Variants in TXNDC16 observed in about 807,000 individuals in gnomAD.
The protein encoded by TXNDC16 is thioredoxin domain-containing protein 16.
Under a neutral mutation model 85.6 loss-of-function variants are expected in TXNDC16, and 74 were observed. That is an observed-to-expected ratio of 0.86 (90% confidence interval 0.72 to 1.05). The LOEUF is 1.05. TXNDC16 is among the 50% of genes least tolerant of loss of function. The pLI is 0.00. For synonymous variants in TXNDC16, 335 were observed against 326.5 expected, an observed-to-expected ratio of 1.03 and a Z score of -0.28; for missense variants, 959 against 947.0, an observed-to-expected ratio of 1.01 and a Z score of -0.17.
intron 14 of TXNDC16, among the ~76,000 whole-genome samples, chr14:52,474,998 T>TG (rs2035988307): frequency 1.3e-5 from 2 of 152,004 alleles, no homozygotes; most frequent in Non-Finnish European, 2.9e-5. Context: ...GCTCAAACTG[T>TG]GGAAGTGGGA....
At chr14:52,499,504 A>T (rs1297079165) in intron 9 of TXNDC16, among the ~76,000 whole-genome samples, 1 of 152,092 alleles carries the variant, frequency 6.6e-6, no homozygotes, top group East Asian at 1.9e-4. Flanking sequence ...AAGATACACA[A>T]ATGGCCAAGC....
intron 6 of TXNDC16, among the ~76,000 whole-genome samples, chr14:52,535,203 G>A (rs2037671891): frequency 6.6e-6 from 1 of 152,140 alleles, no homozygotes; most frequent in African/African-American, 2.4e-5. Context: ...GAGAACAAAT[G>A]TCATATCTAT....
chr14:52,550,646 C>T (rs2038024387), intron 1 of TXNDC16, among the ~76,000 whole-genome samples: 1 of 151,678 alleles, frequency 6.6e-6, no homozygotes, highest in Admixed American at 6.6e-5. Flanking sequence ...TTTACTATCA[C>T]TTTGAGCAGA....
intron 1 of TXNDC16, among the ~76,000 whole-genome samples, chr14:52,545,485 G>T (rs2037922846): frequency 6.6e-6 from 1 of 152,062 alleles, no homozygotes; most frequent in Non-Finnish European, 1.5e-5. Context: ...TACCGCACGG[G>T]TCAGCTAGAA....
intron 14 of TXNDC16, 34 bp from the exon 15 acceptor site, chr14:52,470,714 T>C (rs1470515621): frequency 1.3e-6 from 2 of 1,557,554 alleles, no homozygotes; most frequent in African/African-American, 1.4e-5. Context: ...TTGTAATTAC[T>C]AATTGTAGAA....
intron 18 of TXNDC16, among the ~76,000 whole-genome samples, chr14:52,444,866 C>T (rs936150559): frequency 1.3e-5 from 2 of 151,962 alleles, no homozygotes; most frequent in Non-Finnish European, 2.9e-5. Context: ...CAAAGATTAC[C>T]TAAAAGGATG....
chr14:52,490,790 A>G, intron 10 of TXNDC16, 49 bp downstream of exon 10: 1 of 1,560,636 alleles, frequency 6.4e-7, no homozygotes, highest in Non-Finnish European at 8.7e-7. Flanking sequence ...AAAACGTGGA[A>G]ACTATTAGCG....
chr14:52,530,266 ATATTAT>A (rs1402569938), intron 6 of TXNDC16, among the ~76,000 whole-genome samples: 1 of 54,948 alleles, frequency 1.8e-5, no homozygotes, highest in Non-Finnish European at 2.8e-5. Context: ...TATATAATAT[ATATTAT>A]TATTTAATAT....
chr14:52,443,156 T>A (rs1383417216), intron 18 of TXNDC16, among the ~76,000 whole-genome samples: 2 of 152,068 alleles, frequency 1.3e-5, no homozygotes, highest in African/African-American at 4.8e-5. Context: ...GTGGGCACCA[T>A]CTAATCAGCT....
chr14:52,545,174 A>G (rs2037917005), intron 1 of TXNDC16, among the ~76,000 whole-genome samples: 1 of 152,220 alleles, frequency 6.6e-6, no homozygotes, highest in African/African-American at 2.4e-5. Flanking sequence ...TCCAGGTTAT[A>G]ATTTAACCAT....
rs1006777093 is a variant in TXNDC16, at chr14:52,482,708, G to C, written c.1252+114C>G. ...ATGCTTCAATGCACACAGTCTACTT[G>C]AGACATACGAAAGCAATTTCATTTT... On this transcript the variant is annotated intron_variant, in intron 13 of 20. Transcript: ENST00000281741. 3.5e-6 allele frequency: 3 copies of C among 861,668 alleles called. No individual in the cohort carries two copies. The South Asian group carries it at 6.5e-5, about 19-fold the overall frequency. The allele number at this position is 861,668 out of a possible 1,614,324, so 53.4% of individuals were successfully genotyped here.
At chr14:52,490,312 T>C in intron 11 of TXNDC16, 79 bp downstream of exon 11, 4 of 987,150 alleles carry the variant, frequency 4.1e-6, no homozygotes, top group Non-Finnish European at 5.7e-6. Flanking sequence ...TTTTCTATAA[T>C]AAAAATATAT....
At chr14:52,477,867 G>T (rs148877811) in intron 14 of TXNDC16, among the ~76,000 whole-genome samples, 10 of 152,106 alleles carry the variant, frequency 6.6e-5, no homozygotes, top group Admixed American at 1.3e-4. Flanking sequence ...AACAACCACA[G>T]AATATACATT....
At chr14:52,474,292 A>G (rs1425057053) in intron 14 of TXNDC16, among the ~76,000 whole-genome samples, 3 of 152,236 alleles carry the variant, frequency 2.0e-5, no homozygotes, top group Non-Finnish European at 4.4e-5. Context: ...TCACTACTTC[A>G]TTATGATTTA....
At chr14:52,512,497 T>C (rs1405224797) in intron 8 of TXNDC16, among the ~76,000 whole-genome samples, 2 of 152,122 alleles carry the variant, frequency 1.3e-5, no homozygotes, top group African/African-American at 4.8e-5. Flanking sequence ...TGAAAGCATA[T>C]AACTTGTTGA....
At chr14:52,504,557 G>A (rs2036744798) in intron 9 of TXNDC16, among the ~76,000 whole-genome samples, 1 of 152,174 alleles carries the variant, frequency 6.6e-6, no homozygotes. Context: ...CCCTAAAAGA[G>A]CTCCTGAAGG....
chr14:52,520,566 C>T (rs1014060515), intron 6 of TXNDC16, among the ~76,000 whole-genome samples: 15 of 152,022 alleles, frequency 9.9e-5, no homozygotes, highest in East Asian at 3.9e-4. Flanking sequence ...GCTGAGATCA[C>T]GCCACTGCAC....
chr14:52,488,394 A>G lies in TXNDC16; in HGVS notation c.1077T>C (p.Asp359=). 2.5e-6 allele frequency: 4 copies of G among 1,613,776 alleles called. No homozygotes were observed. The highest frequency in any genetic ancestry group is 1.7e-6 in the Non-Finnish European group (2 of 1,179,778). Residue 359 remains aspartate (D), a synonymous_variant, in exon 12 of 21, where the codon GAT becomes GAC. Transcript: ENST00000281741. ...CTGGACCTTCCATGTCATTGTCTTC[A>G]TCTTCTTGTATTTCCTCAATGTGCA... ...NNMHIEEIQE[D]EDNDMEGPDI...
At chr14:52,456,345 T>C (rs1313025759) in intron 17 of TXNDC16, among the ~76,000 whole-genome samples, 1 of 152,004 alleles carries the variant, frequency 6.6e-6, no homozygotes, top group African/African-American at 2.4e-5. Flanking sequence ...TGATTACCCA[T>C]TGTCAGATGG....
Sources: gnomAD v4.1 joint callset for allele counts (sites outside exome capture counted in the v4.1 genomes callset) on GRCh38, gnomAD v4.1.1 for gene constraint, MANE v1.5 for transcripts, NCBI Gene and HGNC (gene_info 2026-07-23, HGNC 2026-07-21) for gene names.